ZNF254: variants seen among roughly 807,000 people sequenced by gnomAD.
ZNF254 encodes the protein zinc finger protein 254, also known as CTD-2017D11.1.
Under a neutral mutation model 12.4 loss-of-function variants are expected in ZNF254, and 10 were observed. The observed-to-expected ratio is 0.80, with a 90% CI of 0.50 to 1.36. The LOEUF (loss-of-function observed/expected upper bound fraction) is 1.36, where lower values mean the gene tolerates loss of function less well. Ranked by LOEUF, ZNF254 falls within the 40% of genes most tolerant of loss-of-function variation. The pLI is 0.00. For missense variants in ZNF254, 996 were observed against 763.9 expected (o/e 1.30, Z -3.58); for synonymous variants, 305 against 253.4 (o/e 1.20, Z -1.93).
chr19:24,108,895 C>T (rs1973494220), intron 3 of ZNF254, among the ~76,000 whole-genome samples: 2 of 152,180 alleles, frequency 1.3e-5, no homozygotes, highest in African/African-American at 4.8e-5. Context: ...GTGGCTCACG[C>T]CTCTAATCCC....
intron 2 of ZNF254, among the ~76,000 whole-genome samples, chr19:24,060,928 AT>A: frequency 6.6e-6 from 1 of 152,150 alleles, no homozygotes; most frequent in Admixed American, 6.5e-5. Context: ...ATTGCAACAT[AT>A]CCCTGAGCCC....
intron 2 of ZNF254, among the ~76,000 whole-genome samples, chr19:24,046,862 CTTTT>C (rs756475156): frequency 0.012 from 1,733 of 139,824 alleles, 12 homozygotes; most frequent in Non-Finnish European, 0.019. Context: ...TTCATCTTTC[CTTTT>C]TTTTTTTTTT....
chr19:24,066,708 CAAAACAAAACAA>C (rs1176259873), intron 2 of ZNF254: 4 of 148,884 alleles, frequency 2.7e-5, no homozygotes, highest in African/African-American at 1.0e-4. Flanking sequence ...CAAAACAAAA[CAAAACAAAACAA>C]AACAAAACAA....
At position 24,052,444 on chromosome 19, in the gene ZNF254, A is replaced by G. The variant is rs182755173; in HGVS notation, c.-94+6165A>G. On this transcript the variant is annotated intron_variant, in intron 2 of 4. Transcript: ENST00000613065. ...CCCAGCACATAAGTGACCTTGTGAC[A>G]TATCTTTGCATTCATTATCTAGGAG... Among the ~76,000 whole-genome samples, 4 of 152,320 alleles carry G rather than the reference A, an allele frequency of 2.6e-5. No individual in the cohort carries two copies. In the East Asian group the frequency reaches 7.7e-4, roughly 29 times the overall value.
chr19:24,093,065 A>G (rs2145692561), intron 1 of ZNF254, among the ~76,000 whole-genome samples: 1 of 152,078 alleles, frequency 6.6e-6, no homozygotes, highest in Non-Finnish European at 1.5e-5. Flanking sequence ...TAGGCATTTT[A>G]TTATATGTGT....
rs1377198361 is a variant in ZNF254 at position 24,126,640 on chromosome 19, G to T, written c.640G>T (p.Glu214Ter). The change falls in exon 4 of 4, where the codon GAA becomes TAA. Residue 214 changes from glutamate (E) to a stop codon, truncating the protein, a stop_gained. Transcript: ENST00000357002. LOFTEE classifies it low-confidence loss of function (END_TRUNC). ...TAGAGAGAAGTCCTACAAATGTAAA[G>T]AATGTGGAAAAACCTTTAATTGGTC... ...YHREKSYKCK[E>*]CGKTFNWSST... 2 of 1,611,254 alleles carry T rather than the reference G, an allele frequency of 1.2e-6. No individual in the cohort carries two copies. Among genetic ancestry groups the T allele is most frequent in the Non-Finnish European group, 1.7e-6 (2 of 1,179,246 alleles).
intron 2 of ZNF254, among the ~76,000 whole-genome samples, chr19:24,077,635 G>C (rs1418966469): frequency 1.3e-5 from 2 of 152,220 alleles, no homozygotes; most frequent in Non-Finnish European, 2.9e-5. Context: ...AGTGTAGTGT[G>C]AAGATGGGAA....
chr19:24,122,737 A>T (rs968980470), intron 3 of ZNF254, among the ~76,000 whole-genome samples: 1 of 152,094 alleles, frequency 6.6e-6, no homozygotes, highest in African/African-American at 2.4e-5. Context: ...ATTTCAAATT[A>T]TATCTACTGA....
In ZNF254 at chr19:24,128,082, A is replaced by G; in HGVS notation, c.*102A>G. 8.3e-7 allele frequency: 1 copy of G among 1,201,076 alleles called. No homozygotes were observed. The highest frequency in any genetic ancestry group is 1.1e-6 in the Non-Finnish European group (1 of 902,584). 74.4% of individuals were successfully genotyped at this position (1,201,076 alleles called of 1,614,324 possible). A position where few individuals can be genotyped will look rare whatever the true frequency, so the allele number is the denominator to read the frequency against. ...CCTGAGAGAGGCGCTAATGCTTTTGACAGTACCTAAAACTTTAAAGAAAAT... is the reference window on the plus strand; with the variant it reads ...CCTGAGAGAGGCGCTAATGCTTTTGGCAGTACCTAAAACTTTAAAGAAAAT... On this transcript the variant is annotated 3_prime_UTR_variant, in exon 4 of 4. Coordinates refer to ENST00000357002, the MANE Select transcript of ZNF254 (RefSeq NM_203282.4).
rs188395956 is a variant in ZNF254 at position 24,101,187 on chromosome 19, T to A, written c.31-4753T>A. Among the ~76,000 whole-genome samples the A allele has an allele frequency of 2.8e-3, 431 of 152,350 alleles. 1 individual carries two copies. The highest frequency in any genetic ancestry group is 4.9e-3 in the Admixed American group (75 of 15,302). ...AGGTAAAATATTATTTAGAATTTTC[T>A]AGAGCAGCCTCTATGAGTAGATCTT... On this transcript the variant is annotated intron_variant, in intron 1 of 3. Transcript: ENST00000357002.
chr19:24,128,172 T>A lies in ZNF254; in HGVS notation c.*192T>A. 2 of 568,442 alleles carry A rather than the reference T, an allele frequency of 3.5e-6. No individual in the cohort carries two copies. 35.2% of individuals were successfully genotyped at this position (568,442 alleles called of 1,614,324 possible). A position where few individuals can be genotyped will look rare whatever the true frequency, so the allele number is the denominator to read the frequency against. Reference sequence around the variant, plus strand: ...AAAGCCTTTAAATGATTGTCACACTTGATTGTAGGTAAGATAATTCATACT... The same window carrying A: ...AAAGCCTTTAAATGATTGTCACACTAGATTGTAGGTAAGATAATTCATACT... On this transcript the variant is annotated 3_prime_UTR_variant, in exon 4 of 4. Coordinates refer to ENST00000357002, the MANE Select transcript of ZNF254 (RefSeq NM_203282.4).
At chr19:24,115,651 G>C (rs1327539881) in intron 3 of ZNF254, among the ~76,000 whole-genome samples, 1 of 152,012 alleles carries the variant, frequency 6.6e-6, no homozygotes, top group Non-Finnish European at 1.5e-5. Flanking sequence ...TTGTGCACAT[G>C]TACCGTAAAA....
rs138915088 is a variant in ZNF254 at position 24,126,254 on chromosome 19, G to A, written c.254G>A (p.Gly85Asp). 266 of 1,460,718 alleles carry A rather than the reference G, an allele frequency of 1.8e-4. No homozygotes were observed. In the African/African-American group the frequency reaches 3.6e-3, roughly 20 times the overall value. 90.5% of individuals were successfully genotyped at this position (1,460,718 alleles called of 1,614,324 possible). A position where few individuals can be genotyped will look rare whatever the true frequency, so the allele number is the denominator to read the frequency against. Reference sequence around the variant, plus strand: ...TTATTTATTTTTATTTTTTTTTCAGGTATGTGTCCTCATTTTGCTCAAGAC... The same window carrying A: ...TTATTTATTTTTATTTTTTTTTCAGATATGTGTCCTCATTTTGCTCAAGAC... ...KRHEMVDEPP[G>D]MCPHFAQDLW... The change falls in exon 4 of 4, where the codon GGT becomes GAT. Residue 85 changes from glycine to aspartate, a missense_variant and splice_region_variant. Gly to Asp is a moderately conservative substitution (Grantham distance 94). Transcript: ENST00000357002.
At chr19:24,047,630 T>G (rs896046546) in intron 2 of ZNF254, among the ~76,000 whole-genome samples, 5 of 147,530 alleles carry the variant, frequency 3.4e-5, no homozygotes, top group African/African-American at 1.2e-4. Flanking sequence ...TCTCTCTTGC[T>G]TGCTTGCTTC....
At position 24,106,610 on chromosome 19, in the gene ZNF254, A is replaced by G. The variant is rs952932548; in HGVS notation, c.220A>G (p.Met74Val). ...CLEQGKEPWN[M>V]KRHEMVDEPP... Reference sequence around the variant, plus strand: ...GGAACAAGGGAAAGAGCCCTGGAATATGAAGCGACATGAGATGGTGGATGA... The same window carrying G: ...GGAACAAGGGAAAGAGCCCTGGAATGTGAAGCGACATGAGATGGTGGATGA... Residue 74 changes from methionine to valine, a missense_variant, in exon 3 of 4, where the codon ATG (methionine) becomes GTG (valine). By Grantham distance (21) the Met-to-Val change is conservative. Transcript: ENST00000357002. 6.3e-7 allele frequency: 1 copy of G among 1,583,668 alleles called. No homozygotes were observed. The highest frequency in any genetic ancestry group is 8.6e-7 in the Non-Finnish European group (1 of 1,162,924).
intron 3 of ZNF254, chr19:24,106,969 A>G (rs1234056535): frequency 2.3e-6 from 1 of 433,414 alleles, no homozygotes; most frequent in Non-Finnish European, 4.0e-6. Flanking sequence ...ATTTTGAGAT[A>G]CTGTATGTTA....
chr19:24,118,777 G>T, intron 3 of ZNF254, among the ~76,000 whole-genome samples: 1 of 151,972 alleles, frequency 6.6e-6, no homozygotes, highest in East Asian at 1.9e-4. Flanking sequence ...ATGGCGCCAA[G>T]ATTATTGTCA....
chr19:24,071,658 C>A (rs1342475787), intron 2 of ZNF254, among the ~76,000 whole-genome samples: 9 of 152,122 alleles, frequency 5.9e-5, no homozygotes, highest in African/African-American at 1.9e-4. Flanking sequence ...AGCTATAATG[C>A]TTCTAATGCC....
chr19:24,044,051 C>T (rs1017252906), intron 1 of ZNF254, among the ~76,000 whole-genome samples: 1 of 148,222 alleles, frequency 6.7e-6, no homozygotes. Flanking sequence ...CCAGCCTGGC[C>T]AACATGGTGA....
Sources: gnomAD v4.1 joint callset for allele counts (sites outside exome capture counted in the v4.1 genomes callset) on GRCh38, gnomAD v4.1.1 for gene constraint, MANE v1.5 for transcripts, NCBI Gene and HGNC (gene_info 2026-07-23, HGNC 2026-07-21) for gene names.